The following PCDHGB3 variants were observed in gnomAD, a reference collection of about 807,000 sequenced individuals.
PCDHGB3 encodes protocadherin gamma-B3.
PCDHGB3 carries 40 observed loss-of-function variants against 59.2 expected under a neutral mutation model. The ratio of observed to expected loss-of-function variants is 0.68; its 90% CI spans 0.52 to 0.88. PCDHGB3 has a LOEUF of 0.88. Ranked by LOEUF, PCDHGB3 falls within the 40% of genes least tolerant of loss-of-function variation. The pLI is 0.00. For synonymous variants in PCDHGB3, 581 were observed against 503.6 expected (o/e 1.15, Z -2.06); for missense variants, 1,309 against 1,187.9 (o/e 1.10, Z -1.50).
At chr5:141,383,248 T>A in intron 1 of PCDHGB3, 1 of 1,613,948 alleles carries the variant, frequency 6.2e-7, no homozygotes. Context: ...AATGAATCTT[T>A]ACCCTATAGA....
intron 1 of PCDHGB3, chr5:141,420,969 A>G (rs2096536141): frequency 2.3e-6 from 1 of 443,064 alleles, no homozygotes; most frequent in Admixed American, 4.0e-5. Flanking sequence ...TTGCAATAAT[A>G]AGAATGGGCT....
At position 141,371,872 on chromosome 5, in the gene PCDHGB3, C is replaced by A; in HGVS notation, c.1478C>A (p.Ala493Asp). The change falls in exon 1 of 4, where the codon GCC becomes GAC. Residue 493 changes from alanine (A) to aspartate (D), a missense_variant. By Grantham distance (126) the Ala-to-Asp change is moderately radical (BLOSUM62 -2). Transcript: ENST00000576222. ...GGCCTTGTCTCCTACTACATCGTGG[C>A]CAGTGACCTGGAGCCGCGGGAGCTG... ...PNGLVSYYIV[A>D]SDLEPRELSS... 6.2e-7 allele frequency: 1 copy of A among 1,613,534 alleles called. No homozygotes were observed. The highest frequency in any genetic ancestry group is 8.5e-7 in the Non-Finnish European group (1 of 1,179,908).
chr5:141,376,269 G>A, intron 1 of PCDHGB3: 2 of 1,614,224 alleles, frequency 1.2e-6, no homozygotes, highest in South Asian at 1.1e-5. Context: ...CAGGCTTCGG[G>A]AGGTGGCTTA....
At chr5:141,399,378 C>T (rs368139061) in intron 1 of PCDHGB3, 1,186 of 1,613,874 alleles carry the variant, frequency 7.3e-4, no homozygotes, top group Non-Finnish European at 9.6e-4. Flanking sequence ...ACAATGTCAC[C>T]ATCACAGCCA....
At chr5:141,420,634 G>A (rs891111955) in intron 1 of PCDHGB3, among the ~76,000 whole-genome samples, 2 of 152,080 alleles carry the variant, frequency 1.3e-5, no homozygotes, top group African/African-American at 4.8e-5. Context: ...CTCAATAAAG[G>A]AACCTTGTAA....
In PCDHGB3 at chr5:141,489,307, T is replaced by A; in HGVS notation, c.2416-5500T>A. On this transcript the variant is annotated intron_variant, in intron 1 of 3. Transcript: ENST00000576222. The surrounding 1 kb of genome is among the most constrained non-coding windows in gnomAD (Gnocchi z 4.5). ...AGTGCTGTGCATGTTGTCCTTGTGCTGCTGGGGCTGGGTGTCTGGGCAGCT... is the reference window on the plus strand; with the variant it reads ...AGTGCTGTGCATGTTGTCCTTGTGCAGCTGGGGCTGGGTGTCTGGGCAGCT... The A allele has an allele frequency of 6.3e-7, 1 of 1,591,138 alleles. No individual in the cohort carries two copies. The highest frequency in any genetic ancestry group is 8.6e-7 in the Non-Finnish European group (1 of 1,168,222).
intron 1 of PCDHGB3, among the ~76,000 whole-genome samples, chr5:141,462,211 C>T (rs543979258): frequency 2.0e-5 from 3 of 151,998 alleles, no homozygotes; most frequent in South Asian, 2.1e-4. Context: ...CCGCCTGCCT[C>T]GGCCTCCCAA....
rs2099455203 is a variant in PCDHGB3 at position 141,478,427 on chromosome 5, C to T, written c.2416-16380C>T. The T allele has an allele frequency of 1.9e-6, 3 of 1,613,742 alleles. No individual in the cohort carries two copies. Among genetic ancestry groups the T allele is most frequent in the Non-Finnish European group, 2.5e-6 (3 of 1,180,014 alleles). On this transcript the variant is annotated intron_variant, in intron 1 of 3. Coordinates refer to ENST00000576222, the MANE Select transcript of PCDHGB3 (RefSeq NM_018924.5). ...CACCACGGACTCCCGCCGCAGCGAC[C>T]CGCTGCTGAAGAAACCTGGTGCAGC...
rs1242637725 is a variant in PCDHGB3 at position 141,432,619 on chromosome 5, T to G, written c.2415+59810T>G. 3.1e-6 allele frequency: 5 copies of G among 1,612,618 alleles called. No homozygotes were observed. The highest frequency in any genetic ancestry group is 1.7e-5 in the Admixed American group (1 of 59,934). On this transcript the variant is annotated intron_variant, in intron 1 of 3. Transcript: ENST00000576222. This position sits in a 1 kb window ranked among gnomAD's most constrained non-coding sequence, Gnocchi z 6.0. ...GCGAGCCGGGACTCTTCTCGGTGGG[T>G]CTGCACACGGGCGAGGTGCGCACGG... is the stretch of plus-strand genomic sequence containing the variant.
intron 1 of PCDHGB3, among the ~76,000 whole-genome samples, chr5:141,474,085 AAAAC>A (rs937548165): frequency 1.3e-5 from 2 of 152,188 alleles, no homozygotes; most frequent in African/African-American, 4.8e-5. Flanking sequence ...CAAAAACCAA[AAAAC>A]AAACAACAAC....
intron 2 of PCDHGB3, among the ~76,000 whole-genome samples, chr5:141,497,893 C>T (rs1194262199): frequency 6.6e-6 from 1 of 152,132 alleles, no homozygotes; most frequent in Non-Finnish European, 1.5e-5. Flanking sequence ...GGATCTAGTC[C>T]AGTAACTTCA....
chr5:141,490,313 C>G lies in PCDHGB3; in HGVS notation c.2416-4494C>G. The G allele has an allele frequency of 6.2e-7, 1 of 1,614,222 alleles. No individual in the cohort carries two copies. The highest frequency in any genetic ancestry group is 8.5e-7 in the Non-Finnish European group (1 of 1,180,024). Reference sequence around the variant, plus strand: ...GTGCTATTGGCCTCTTTGGCCAACCCTGTCCTAGAGAGCACACCAGTGGGC... The same window carrying G: ...GTGCTATTGGCCTCTTTGGCCAACCGTGTCCTAGAGAGCACACCAGTGGGC... On this transcript the variant is annotated intron_variant, in intron 1 of 3. Transcript: ENST00000576222. The surrounding 1 kb of genome is among the most constrained non-coding windows in gnomAD (Gnocchi z 5.4).
chr5:141,385,609 A>AT (rs1360178959), intron 1 of PCDHGB3: 2 of 1,138,046 alleles, frequency 1.8e-6, no homozygotes, highest in African/African-American at 3.2e-5. Flanking sequence ...TAACTCATAT[A>AT]TTTTATACAT....
intron 1 of PCDHGB3, chr5:141,484,946 C>T (rs2154580274): frequency 3.6e-6 from 2 of 561,448 alleles, no homozygotes; most frequent in Non-Finnish European, 6.4e-6. Flanking sequence ...CTCTGCTCAG[C>T]CTATTGGCTG....
rs750315441 is a variant in PCDHGB3, at chr5:141,371,018, C to T, written c.624C>T (p.His208=). Residue 208 remains histidine, a synonymous_variant, in exon 1 of 4, where the codon CAC becomes CAT. Coordinates refer to ENST00000576222, the MANE Select transcript of PCDHGB3 (RefSeq NM_018924.5). ...TGGACAGGGAAGAGCAGCCACATCA[C>T]CACCTGGTCCTCACAGCTGTGGATG... The part of the protein sequence containing the change: ...APLDREEQPH[H]HLVLTAVDGG... 1.1e-5 allele frequency: 17 copies of T among 1,613,876 alleles called. No homozygotes were observed. The highest frequency in any genetic ancestry group is 1.3e-5 in the Non-Finnish European group (15 of 1,179,904).
chr5:141,386,848 A>G (rs1458200403), intron 1 of PCDHGB3, among the ~76,000 whole-genome samples: 1 of 152,186 alleles, frequency 6.6e-6, no homozygotes, highest in East Asian at 1.9e-4. Flanking sequence ...TAATCACTAA[A>G]CTCAGTGAGC....
At chr5:141,386,308 A>G (rs1057447717) in intron 1 of PCDHGB3, among the ~76,000 whole-genome samples, 5 of 152,236 alleles carry the variant, frequency 3.3e-5, no homozygotes, top group African/African-American at 4.8e-5. Flanking sequence ...AAAGCTCAGT[A>G]TATCAAGTGA....
Position 141,510,946 on chromosome 5 carries a change from GA to G in PCDHGB3, c.2565del (p.Ala856LeufsTer17). The G allele has an allele frequency of 6.2e-7, 1 of 1,614,128 alleles. No homozygotes were observed. ...LQAMILASAS[E>X]AADGSSTLGG... ...CACCTGATCTTCCTCTGTCTCTGCA[GA>G]AGCTGCTGATGGGAGCTCCACCCTG... On this transcript the variant is annotated frameshift_variant and splice_region_variant, in exon 4 of 4. Coordinates refer to ENST00000576222, the MANE Select transcript of PCDHGB3 (RefSeq NM_018924.5). LOFTEE classifies it high-confidence loss of function.
At position 141,505,629 on chromosome 5, in the gene PCDHGB3, C is replaced by T. The variant is rs1475582931; in HGVS notation, c.2563+148C>T. 7.4e-6 allele frequency: 11 copies of T among 1,482,192 alleles called. No individual in the cohort carries two copies. The African/African-American group carries it at 9.8e-5, about 13-fold the overall frequency. The allele number at this position is 1,482,192 out of a possible 1,614,324, so 91.8% of individuals were successfully genotyped here. ...GTCTGAAAGGACCCACAATTCCAAACATAAAGCCTGGAATTGTGGCTAAGG... is the reference window on the plus strand; with the variant it reads ...GTCTGAAAGGACCCACAATTCCAAATATAAAGCCTGGAATTGTGGCTAAGG... On this transcript the variant is annotated intron_variant, in intron 3 of 3. Coordinates refer to ENST00000576222, the MANE Select transcript of PCDHGB3 (RefSeq NM_018924.5).
Sources: gnomAD v4.1 joint callset for allele counts (sites outside exome capture counted in the v4.1 genomes callset) on GRCh38, gnomAD v4.1.1 for gene constraint, Gnocchi (gnomAD v3.1) non-coding constraint, MANE v1.5 for transcripts, NCBI Gene and HGNC (gene_info 2026-07-23, HGNC 2026-07-21) for gene names.